Variants in CDK14 observed in about 807,000 individuals in gnomAD.
CDK14 encodes the protein cyclin-dependent kinase 14.
CDK14 carries 34 observed loss-of-function variants against 60.7 expected under a neutral mutation model. The observed-to-expected ratio is 0.56, with a 90% CI of 0.43 to 0.75. The LOEUF is 0.75. Ranked by LOEUF, CDK14 falls within the 30% of genes least tolerant of loss-of-function variation. The pLI is 0.00. For missense variants in CDK14, 482 were observed against 564.1 expected (o/e 0.85, Z 1.47); for synonymous variants, 197 against 203.7 (o/e 0.97, Z 0.28).
intron 2 of CDK14, among the ~76,000 whole-genome samples, chr7:90,706,421 C>T (rs2116629317): frequency 6.6e-6 from 1 of 152,300 alleles, no homozygotes; most frequent in South Asian, 2.1e-4. Context: ...AGCAACTCTT[C>T]TTACTGTTTA....
At chr7:90,935,705 A>G (rs1454399963) in intron 8 of CDK14, among the ~76,000 whole-genome samples, 1 of 152,132 alleles carries the variant, frequency 6.6e-6, no homozygotes, top group Non-Finnish European at 1.5e-5. Context: ...TTTTACAATT[A>G]TAAGTAATAT....
chr7:90,906,588 T>C, intron 7 of CDK14, among the ~76,000 whole-genome samples: 1 of 152,096 alleles, frequency 6.6e-6, no homozygotes. Flanking sequence ...TTTTAAACAT[T>C]TATCTAGGAT....
intron 2 of CDK14, among the ~76,000 whole-genome samples, chr7:90,672,502 G>GTTTTTTTTTTTT (rs201978996): frequency 5.0e-4 from 25 of 49,996 alleles, no homozygotes; most frequent in Non-Finnish European, 5.8e-4. Flanking sequence ...TTCTTCTTCT[G>GTTTTTTTTTTTT]TTTTTTTTTT....
intron 11 of CDK14, among the ~76,000 whole-genome samples, chr7:91,056,714 C>G (rs993019447): frequency 2.6e-5 from 4 of 152,108 alleles, no homozygotes; most frequent in Admixed American, 2.6e-4. Flanking sequence ...CAGCTTCATC[C>G]ATGTCCCTAC....
intron 3 of CDK14, among the ~76,000 whole-genome samples, chr7:90,739,633 C>T (rs1414365233): frequency 6.6e-6 from 1 of 152,096 alleles, no homozygotes; most frequent in East Asian, 1.9e-4. Flanking sequence ...TATACTTACT[C>T]TAAGTAGTCA....
intron 6 of CDK14, among the ~76,000 whole-genome samples, chr7:90,892,356 T>C (rs1401632697): frequency 6.6e-6 from 1 of 152,252 alleles, no homozygotes; most frequent in Non-Finnish European, 1.5e-5. Context: ...TTTCTAGTTT[T>C]CTTCTGTGTC....
At chr7:91,046,137 CAG>C (rs1797225319) in intron 11 of CDK14, among the ~76,000 whole-genome samples, 177 bp downstream of exon 11, 1 of 152,272 alleles carries the variant, frequency 6.6e-6, no homozygotes, top group East Asian at 1.9e-4. Flanking sequence ...TCTGTGAAGA[CAG>C]AGTTAAAGAC....
chr7:90,922,437 C>G (rs1426143816), intron 8 of CDK14, among the ~76,000 whole-genome samples: 1 of 151,070 alleles, frequency 6.6e-6, no homozygotes, highest in African/African-American at 2.4e-5. Context: ...TTTTTTCTCT[C>G]TAATTTCTCT....
At chr7:90,948,141 G>A (rs1239973482) in intron 8 of CDK14, among the ~76,000 whole-genome samples, 1 of 152,126 alleles carries the variant, frequency 6.6e-6, no homozygotes, top group African/African-American at 2.4e-5. Context: ...TTGAAAATTG[G>A]TAATAAATCA....
chr7:91,057,342 C>T (rs534136645), intron 11 of CDK14, among the ~76,000 whole-genome samples: 250 of 152,164 alleles, frequency 1.6e-3, no homozygotes, highest in Admixed American at 4.6e-3. Flanking sequence ...AAATTTTCTC[C>T]GATGCTGTAG....
At chr7:91,104,107 C>G (rs1799219064) in intron 12 of CDK14, among the ~76,000 whole-genome samples, 1 of 152,016 alleles carries the variant, frequency 6.6e-6, no homozygotes, top group African/African-American at 2.4e-5. Flanking sequence ...CAACAAACAT[C>G]TTTTTACAAA....
intron 5 of CDK14, among the ~76,000 whole-genome samples, chr7:90,840,341 A>T (rs1309350141): frequency 1.3e-5 from 2 of 152,238 alleles, no homozygotes; most frequent in African/African-American, 4.8e-5. Context: ...TGATCCATAA[A>T]GTTTGGAAAG....
chr7:90,737,328 A>G (rs886324366), intron 3 of CDK14, among the ~76,000 whole-genome samples: 5 of 152,208 alleles, frequency 3.3e-5, no homozygotes, highest in African/African-American at 9.6e-5. Context: ...ACATTCCACA[A>G]ATTGCTCCAA....
At chr7:90,685,348 T>A (rs1275967235) in intron 2 of CDK14, among the ~76,000 whole-genome samples, 1 of 152,164 alleles carries the variant, frequency 6.6e-6, no homozygotes, top group African/African-American at 2.4e-5. Flanking sequence ...TACCACCCTC[T>A]TTTATTTACT....
intron 8 of CDK14, among the ~76,000 whole-genome samples, chr7:90,955,331 G>GT (rs1272160902): frequency 6.6e-6 from 1 of 152,058 alleles, no homozygotes; most frequent in Non-Finnish European, 1.5e-5. Context: ...TTCTAAATCT[G>GT]TTTTTTCTCA....
In CDK14 at chr7:90,668,008, G is replaced by A. The variant is rs146958061; in HGVS notation, c.124-58559G>A. Among the ~76,000 whole-genome samples, 1,175 of 152,278 alleles carry A rather than the reference G, an allele frequency of 7.7e-3. 13 individuals carry two copies. Among genetic ancestry groups the A allele is most frequent in the African/African-American group, 0.027 (1,113 of 41,554 alleles). Reference sequence around the variant, plus strand: ...ATATTGTTAGGAAATTCATATACAAGTTTTCATGTTGATGTATGTTTTAAT... The same window carrying A: ...ATATTGTTAGGAAATTCATATACAAATTTTCATGTTGATGTATGTTTTAAT... On this transcript the variant is annotated intron_variant, in intron 2 of 14. Transcript: ENST00000380050.
intron 4 of CDK14, among the ~76,000 whole-genome samples, chr7:90,781,473 A>C (rs966137370): frequency 1.3e-5 from 2 of 150,198 alleles, no homozygotes; most frequent in African/African-American, 4.9e-5. Context: ...TTGGTGTTTT[A>C]GACATGAAGT....
At chr7:90,752,138 A>C (rs775021920) in intron 4 of CDK14, among the ~76,000 whole-genome samples, 2 of 152,252 alleles carry the variant, frequency 1.3e-5, no homozygotes, top group South Asian at 2.1e-4. Context: ...CCAACAAGGA[A>C]ATTCTGGACT....
At chr7:90,960,436 G>A (rs732956) in intron 9 of CDK14, among the ~76,000 whole-genome samples, 75,850 of 151,914 alleles carry the variant, frequency 0.5, 19,783 homozygotes, top group East Asian at 0.73. Flanking sequence ...AAATAAGCCT[G>A]TCAAATGTAA....
Sources: gnomAD v4.1 joint callset for allele counts (sites outside exome capture counted in the v4.1 genomes callset) on GRCh38, gnomAD v4.1.1 for gene constraint, MANE v1.5 for transcripts, NCBI Gene and HGNC (gene_info 2026-07-23, HGNC 2026-07-21) for gene names.